Variants in YEATS2 observed in about 807,000 individuals in gnomAD.
The protein encoded by YEATS2 is YEATS domain-containing protein 2.
YEATS2 carries 77 observed loss-of-function variants against 163.2 expected under a neutral mutation model. The observed-to-expected ratio is 0.47, with a 90% CI of 0.39 to 0.57. The LOEUF is 0.57. YEATS2 is among the 20% of genes least tolerant of loss of function. The probability of loss-of-function intolerance (pLI) is 0.00; values close to 1 mark genes in which losing one functional copy is unlikely to be tolerated. For synonymous variants in YEATS2, 631 were observed against 645.1 expected (o/e 0.98, Z 0.33); for missense variants, 1,549 against 1,729.8 (o/e 0.90, Z 1.85).
chr3:183,798,105 G>A (rs759543145), intron 22 of YEATS2, 54 bp downstream of exon 22: 817 of 1,601,848 alleles, frequency 5.1e-4, no homozygotes, highest in Non-Finnish European at 6.5e-4. Flanking sequence ...ACATCTCCCC[G>A]CATTTACCAG....
At chr3:183,747,781 T>C in intron 9 of YEATS2, 65 bp downstream of exon 9, 1 of 1,509,282 alleles carries the variant, frequency 6.6e-7, no homozygotes, top group South Asian at 1.1e-5. Context: ...TCATTTTTTG[T>C]TTGTTTGTTT....
chr3:183,752,378 C>T, intron 10 of YEATS2, 125 bp downstream of exon 10: 1 of 1,215,230 alleles, frequency 8.2e-7, no homozygotes, highest in Non-Finnish European at 1.2e-6. Flanking sequence ...CTCTACTACA[C>T]AGTTCTGTTA....
Position 183,722,040 on chromosome 3 carries a change from T to C in YEATS2, c.441T>C (p.Asn147=). Residue 147 remains asparagine, a synonymous_variant, in exon 5 of 31, where the codon AAT becomes AAC. Transcript: ENST00000305135. ...HSESDSLSQH[N]DFLSDKDNNS... is the part of the protein sequence containing the mutation. ...AAAGTGATTCTTTATCTCAGCACAATGACTTCTTATCTGACAAAGATAATA... is the reference window on the plus strand; with the variant it reads ...AAAGTGATTCTTTATCTCAGCACAACGACTTCTTATCTGACAAAGATAATA... 1 of 1,614,120 alleles carries C rather than the reference T, an allele frequency of 6.2e-7. No individual in the cohort carries two copies.
intron 12 of YEATS2, among the ~76,000 whole-genome samples, chr3:183,758,458 T>C (rs143824525): frequency 3.1e-4 from 47 of 152,336 alleles, no homozygotes; most frequent in African/African-American, 1.0e-3. Flanking sequence ...TCTGGCACAT[T>C]TGTTAAACAG....
intron 5 of YEATS2, among the ~76,000 whole-genome samples, chr3:183,723,639 C>T (rs1381138334): frequency 1.3e-5 from 2 of 152,112 alleles, no homozygotes; most frequent in Non-Finnish European, 2.9e-5. Flanking sequence ...GGAGGCTGGG[C>T]GTGGTGGCTC....
chr3:183,787,590 A>G (rs893794081), intron 20 of YEATS2, among the ~76,000 whole-genome samples: 1 of 151,998 alleles, frequency 6.6e-6, no homozygotes, highest in Non-Finnish European at 1.5e-5. Flanking sequence ...TATATTCTAG[A>G]TATGTCTCTT....
intron 1 of YEATS2, among the ~76,000 whole-genome samples, chr3:183,709,470 G>T (rs1714959494): frequency 6.6e-6 from 1 of 150,724 alleles, no homozygotes; most frequent in South Asian, 2.1e-4. Flanking sequence ...GAGTAGCTGG[G>T]ACTATAGGCA....
At position 183,798,920 on chromosome 3, in the gene YEATS2, C is replaced by T; in HGVS notation, c.3256C>T (p.Pro1086Ser). ...TCAGTCATTTTCTACCAGCAAGCCA[C>T]CTGCCATTCTGCCTGTAGCTGCCCC... ...VVQSFSTSKP[P>S]AILPVAAPTP... The change falls in exon 23 of 31, where the codon CCT (proline) becomes TCT (serine). Residue 1086 changes from proline to serine, a missense_variant. Pro to Ser is a moderately conservative substitution (Grantham distance 74). Coordinates refer to ENST00000305135, the MANE Select transcript of YEATS2 (RefSeq NM_018023.5). 1 of 1,614,176 alleles carries T rather than the reference C, an allele frequency of 6.2e-7. No homozygotes were observed. Among genetic ancestry groups the T allele is most frequent in the Non-Finnish European group, 8.5e-7 (1 of 1,180,016 alleles).
intron 7 of YEATS2, among the ~76,000 whole-genome samples, chr3:183,731,325 T>C (rs1482553742): frequency 2.0e-5 from 3 of 150,086 alleles, no homozygotes; most frequent in Non-Finnish European, 4.4e-5. Context: ...AAGCGGAATA[T>C]TTGGAAATAA....
At chr3:183,799,058 C>A in intron 23 of YEATS2, 69 bp downstream of exon 23, 1 of 1,187,340 alleles carries the variant, frequency 8.4e-7, no homozygotes, top group Non-Finnish European at 1.3e-6. Flanking sequence ...CACGTTCTCT[C>A]CTGATGTCCA....
At chr3:183,730,064 T>TG (rs1560244440) in intron 7 of YEATS2, among the ~76,000 whole-genome samples, 6 of 97,516 alleles carry the variant, frequency 6.2e-5, no homozygotes, top group African/African-American at 1.2e-4. Flanking sequence ...TTTTTTTTTT[T>TG]TTTTTTTTTT....
chr3:183,719,153 C>CTTTTTTTTTTTTT (rs1271192463), intron 4 of YEATS2, among the ~76,000 whole-genome samples: 1 of 141,858 alleles, frequency 7.0e-6, no homozygotes. Flanking sequence ...ATATTTTTTC[C>CTTTTTTTTTTTTT]TTTTTTTTTT....
chr3:183,702,269 A>AC (rs1714176289), intron 1 of YEATS2, among the ~76,000 whole-genome samples: 1 of 151,770 alleles, frequency 6.6e-6, no homozygotes, highest in Admixed American at 6.6e-5. Flanking sequence ...ACATGGAGAA[A>AC]CCCTGTCTCT....
Position 183,811,822 on chromosome 3 carries a change from T to A in YEATS2, c.*1239T>A, listed in dbSNP as rs1726827717. 1.3e-5 allele frequency: 2 copies of A among 152,250 alleles called. No homozygotes were observed. The highest frequency in any genetic ancestry group is 2.9e-5 in the Non-Finnish European group (2 of 68,074). The allele number at this position is 152,250 out of a possible 1,614,324, so 9.4% of individuals were successfully genotyped here. A position where few individuals can be genotyped will look rare whatever the true frequency, so the allele number is the denominator to read the frequency against. ...TTCTGCTCCAGGAAAATCGGAAACC[T>A]GTGAGTCAGAGTCAGAGAAACTTAC... On this transcript the variant is annotated 3_prime_UTR_variant, in exon 31 of 31. Transcript: ENST00000305135.
chr3:183,772,713 A>G (rs1190124979), intron 16 of YEATS2, 150 bp downstream of exon 16: 1 of 1,016,110 alleles, frequency 9.8e-7, no homozygotes, highest in Non-Finnish European at 1.4e-6. Flanking sequence ...GTTCTTTTTT[A>G]TGGGACATTT....
chr3:183,793,677 A>G (rs961282943), intron 21 of YEATS2, among the ~76,000 whole-genome samples: 2 of 148,580 alleles, frequency 1.3e-5, no homozygotes, highest in African/African-American at 5.0e-5. Context: ...CAGTGGAACA[A>G]TCTTGGCTCA....
chr3:183,790,678 G>A, intron 20 of YEATS2, 119 bp from the exon 21 acceptor site: 2 of 1,046,978 alleles, frequency 1.9e-6, no homozygotes, highest in Non-Finnish European at 2.8e-6. Context: ...CATTTACTAA[G>A]TAGTCATTAA....
chr3:183,752,243 T>C lies in YEATS2; in HGVS notation c.1140T>C (p.Ser380=), dbSNP rs777152876. 3.1e-6 allele frequency: 5 copies of C among 1,614,060 alleles called. No homozygotes were observed. In the African/African-American group the frequency reaches 5.3e-5, roughly 17 times the overall value. Residue 380 remains serine, a synonymous_variant, in exon 10 of 31, where the codon TCT becomes TCC. Transcript: ENST00000305135. ...CACATGAGCCAGTACCCGATACCTC[T>C]GTGGAGAAAGGTAATACAGCAGTTT... ...KQSHEPVPDT[S]VEKGFPASTE... is the part of the protein sequence containing the mutation.
chr3:183,787,903 T>C (rs1724218640), intron 20 of YEATS2, among the ~76,000 whole-genome samples: 1 of 151,856 alleles, frequency 6.6e-6, no homozygotes, highest in African/African-American at 2.4e-5. Context: ...CTCAGGAGGC[T>C]GAGGCAGGAG....
Sources: gnomAD v4.1 joint callset for allele counts (sites outside exome capture counted in the v4.1 genomes callset) on GRCh38, gnomAD v4.1.1 for gene constraint, MANE v1.5 for transcripts, NCBI Gene and HGNC (gene_info 2026-07-23, HGNC 2026-07-21) for gene names.